Variants in TRPM5 observed in about 807,000 individuals in gnomAD.
TRPM5 encodes the protein MLSN1 and TRP-related.
TRPM5 carries 121 observed loss-of-function variants against 124.9 expected under a neutral mutation model. The ratio of observed to expected loss-of-function variants is 0.97; its 90% CI spans 0.84 to 1.13. TRPM5 has a LOEUF of 1.13. Ranked by LOEUF, TRPM5 falls within the 50% of genes most tolerant of loss-of-function variation. The probability of loss-of-function intolerance (pLI) is 0.00; values close to 1 mark genes in which losing one functional copy is unlikely to be tolerated. For missense variants in TRPM5, 1,643 were observed against 1,589.1 expected (o/e 1.03, Z -0.58); for synonymous variants, 781 against 700.5 (o/e 1.11, Z -1.81).
upstream of TRPM5, among the ~76,000 whole-genome samples, chr11:2,424,163 G>A (rs559316106): frequency 5.9e-5 from 9 of 152,352 alleles, no homozygotes; most frequent in African/African-American, 1.2e-4. Context: ...GTACCCAGGC[G>A]CTCTGGGCTG....
chr11:2,411,411 C>T (rs141599223), exon 18 of TRPM5: 12 of 1,611,996 alleles, frequency 7.4e-6, no homozygotes, highest in East Asian at 2.2e-5. Flanking sequence ...GTAGAGCACC[C>T]GGCGGAAGAT....
chr11:2,430,617 ATGT>A, the TRPM5 span, among the ~76,000 whole-genome samples: 6 of 149,876 alleles, frequency 4.0e-5, no homozygotes, highest in East Asian at 2.0e-4. Flanking sequence ...GGTGGTGGTG[ATGT>A]TGGTGGCAGT....
At chr11:2,435,560 C>T in the TRPM5 span, among the ~76,000 whole-genome samples, 1 of 151,806 alleles carries the variant, frequency 6.6e-6, no homozygotes, top group African/African-American at 2.4e-5. This position sits in a 1 kb window ranked among gnomAD's most constrained non-coding sequence, Gnocchi z 4.1. Flanking sequence ...TCGATTCATC[C>T]ATCTATCCGT....
the TRPM5 span, among the ~76,000 whole-genome samples, chr11:2,434,276 CTG>C: frequency 1.4e-5 from 2 of 146,354 alleles, no homozygotes; most frequent in South Asian, 2.2e-4. Context: ...TGTGTGGACA[CTG>C]TGTGACTGCA....
At chr11:2,415,121 C>T (rs763052636) in exon 9 of TRPM5, 18 of 1,566,290 alleles carry the variant, frequency 1.1e-5, no homozygotes, top group African/African-American at 5.4e-5. Flanking sequence ...CCCCGCTCAC[C>T]GCCCTCCTGC....
exon 19 of TRPM5, chr11:2,407,773 G>A (rs776513973): frequency 1.7e-5 from 27 of 1,613,736 alleles, no homozygotes; most frequent in Middle Eastern, 1.7e-4. Context: ...ACATGGCGAT[G>A]AGCAGGTTCA....
downstream of TRPM5, chr11:2,403,999 C>T (rs545298987): frequency 1.1e-4 from 20 of 188,342 alleles, no homozygotes; most frequent in Non-Finnish European, 1.7e-4. Context: ...CTCACCAGCA[C>T]ATCACCCAGG....
the TRPM5 span, among the ~76,000 whole-genome samples, chr11:2,429,610 ATGG>A: frequency 6.7e-6 from 1 of 149,734 alleles, no homozygotes; most frequent in African/African-American, 2.5e-5. The surrounding 1 kb of genome is among the most constrained non-coding windows in gnomAD (Gnocchi z 8.4). Context: ...AATGTTGGAG[ATGG>A]TGGTGATTGT....
At chr11:2,413,317 G>T in intron 13 of TRPM5, 91 bp from the exon 19 acceptor site, 1 of 1,354,848 alleles carries the variant, frequency 7.4e-7, no homozygotes, top group Non-Finnish European at 1.0e-6. Flanking sequence ...GTGCCCACTG[G>T]GATGCAGGGG....
the TRPM5 span, among the ~76,000 whole-genome samples, chr11:2,436,797 G>C: frequency 2.0e-5 from 3 of 152,250 alleles, no homozygotes; most frequent in African/African-American, 7.2e-5. Flanking sequence ...GCCCAGGTGG[G>C]AATCTGGGAG....
At chr11:2,409,404 A>C (rs1238014106) in intron 18 of TRPM5, among the ~76,000 whole-genome samples, 1 of 151,782 alleles carries the variant, frequency 6.6e-6, no homozygotes, top group Non-Finnish European at 1.5e-5. Context: ...ACCCTCCCCG[A>C]CTCTGTGATT....
At chr11:2,428,553 G>C in the TRPM5 span, among the ~76,000 whole-genome samples, 1 of 151,970 alleles carries the variant, frequency 6.6e-6, no homozygotes, top group Non-Finnish European at 1.5e-5. This position sits in a 1 kb window ranked among gnomAD's most constrained non-coding sequence, Gnocchi z 4.0. Flanking sequence ...TGATGGCGGT[G>C]TTTGTGATGA....
the TRPM5 span, among the ~76,000 whole-genome samples, chr11:2,441,559 G>T: frequency 6.6e-6 from 1 of 151,944 alleles, no homozygotes; most frequent in African/African-American, 2.4e-5. The surrounding 1 kb of genome is among the most constrained non-coding windows in gnomAD (Gnocchi z 7.2). Flanking sequence ...ACAATCCCTT[G>T]TCCAGTCTCT....
chr11:2,418,351 G>A (rs1354661905), exon 6 of TRPM5: 6 of 1,549,462 alleles, frequency 3.9e-6, no homozygotes, highest in Non-Finnish European at 5.2e-6. Flanking sequence ...CACGGCCCTG[G>A]AGATCCTCTG....
rs570862288 is a variant in TRPM5, at chr11:2,416,801, G to A, written c.1010-777C>T. On this transcript the variant is annotated intron_variant, in intron 7 of 23. Transcript: ENST00000155858. ...GCGTCCAGCCCTTCAGCACGCGTTC[G>A]TCTCCAGCAAAAAGCACATCAAATG... Among the ~76,000 whole-genome samples, 16 of 152,286 alleles carry A rather than the reference G, an allele frequency of 1.1e-4. 1 individual carries two copies. In the East Asian group the frequency reaches 1.5e-3, roughly 15 times the overall value.
the TRPM5 span, among the ~76,000 whole-genome samples, chr11:2,442,862 A>G: frequency 6.6e-6 from 1 of 152,148 alleles, no homozygotes; most frequent in Non-Finnish European, 1.5e-5. The surrounding 1 kb of genome is among the most constrained non-coding windows in gnomAD (Gnocchi z 5.9). Flanking sequence ...CATGAACCCC[A>G]TTTCCTATGA....
the TRPM5 span, among the ~76,000 whole-genome samples, chr11:2,436,071 C>T: frequency 1.3e-5 from 2 of 152,370 alleles, no homozygotes; most frequent in South Asian, 2.1e-4. Flanking sequence ...GCTCCCCTGA[C>T]CTCCCCCACA....
intron 15 of TRPM5, 85 bp from the exon 21 acceptor site, chr11:2,412,338 A>AGGATCAGGGTTCAGCGTGACATGG: frequency 9.8e-7 from 1 of 1,018,566 alleles, no homozygotes; most frequent in Non-Finnish European, 1.5e-6. Context: ...TGGATCTGTA[A>AGGATCAGGGTTCAGCGTGACATGG]GGATCAGGGT....
Position 2,405,521 on chromosome 11 carries a change from G to T in TRPM5, c.3391+6C>A. The T allele has an allele frequency of 5.1e-6, 8 of 1,556,452 alleles. No individual in the cohort carries two copies. The highest frequency in any genetic ancestry group is 1.9e-5 in the Admixed American group (1 of 51,692). ...CCCTCATCCCACGCTCCCCAAACAG[G>T]CTTACTCCGGGGGCCGCCACCCTGG... is the stretch of plus-strand genomic sequence containing the variant. On this transcript the variant is annotated splice_donor_region_variant and intron_variant, in intron 23 of 23. Coordinates refer to ENST00000155858, the Ensembl canonical transcript of TRPM5.
Sources: allele counts gnomAD v4.1 joint callset (sites outside exome capture counted in the v4.1 genomes callset), GRCh38; gene constraint gnomAD v4.1.1; non-coding constraint Gnocchi (gnomAD v3.1); transcripts MANE v1.5; gene names NCBI Gene and HGNC (gene_info 2026-07-23, HGNC 2026-07-21).